CERKL: variants seen among roughly 807,000 people sequenced by gnomAD.
CERKL encodes the protein CERK like autophagy regulator.
CERKL carries 61 observed loss-of-function variants against 63.4 expected under a neutral mutation model. The ratio of observed to expected loss-of-function variants is 0.96; its 90% CI spans 0.78 to 1.19. The LOEUF is 1.19. Among genes scored for constraint, CERKL ranks in the 50% most tolerant of loss-of-function variants. The probability of loss-of-function intolerance (pLI) is 0.00; values close to 1 mark genes in which losing one functional copy is unlikely to be tolerated. For synonymous variants in CERKL, 250 were observed against 230.5 expected (o/e 1.08, Z -0.77); for missense variants, 675 against 655.5 (o/e 1.03, Z -0.33).
chr2:181,636,015 A>G (rs936725749), intron 1 of CERKL, among the ~76,000 whole-genome samples: 2 of 152,196 alleles, frequency 1.3e-5, no homozygotes, highest in Non-Finnish European at 2.9e-5. Context: ...ATACACAAGG[A>G]AAGAGCCTAG....
chr2:181,642,943 C>G (rs1687508614), intron 1 of CERKL, among the ~76,000 whole-genome samples: 1 of 152,140 alleles, frequency 6.6e-6, no homozygotes, highest in Non-Finnish European at 1.5e-5. Flanking sequence ...AATGACAATA[C>G]CTACACCAAA....
chr2:181,572,036 T>C (rs1006876847), intron 3 of CERKL, among the ~76,000 whole-genome samples: 1 of 152,108 alleles, frequency 6.6e-6, no homozygotes, highest in Admixed American at 6.6e-5. Flanking sequence ...CTGAGGAAAG[T>C]AGAGCAAAGT....
intron 1 of CERKL, among the ~76,000 whole-genome samples, chr2:181,623,380 T>A (rs899616470): frequency 6.6e-6 from 1 of 152,314 alleles, no homozygotes; most frequent in East Asian, 1.9e-4. Flanking sequence ...GGGTTTTATG[T>A]CAGCACATGA....
Position 181,548,679 on chromosome 2 carries a change from C to T in CERKL, c.1073+1G>A, listed in dbSNP as rs1283658402. On this transcript the variant is annotated splice_donor_variant, in intron 7 of 12. Coordinates refer to ENST00000410087, the MANE Select transcript of CERKL (RefSeq NM_201548.5). LOFTEE classifies it high-confidence loss of function. ...ATTTTTGGTTTAAGAAAAAGACTTA[C>T]TTAAGTTTTGCCAGTGCCTTAACAA... The T allele has an allele frequency of 6.2e-7, 1 of 1,613,904 alleles. No homozygotes were observed. The highest frequency in any genetic ancestry group is 2.2e-5 in the East Asian group (1 of 44,852).
intron 1 of CERKL, among the ~76,000 whole-genome samples, chr2:181,609,533 TAAAAAA>T (rs869037405): frequency 4.3e-5 from 3 of 70,232 alleles, no homozygotes; most frequent in Non-Finnish European, 5.6e-5. Context: ...CTGTCTCTAC[TAAAAAA>T]AAAAAAAAAA....
At chr2:181,540,318 C>T (rs995399124) in intron 11 of CERKL, among the ~76,000 whole-genome samples, 2 of 152,208 alleles carry the variant, frequency 1.3e-5, no homozygotes, top group Admixed American at 6.5e-5. Context: ...GAATTATCTA[C>T]ATAATCATTC....
chr2:181,592,367 A>G (rs1685023297), intron 2 of CERKL, among the ~76,000 whole-genome samples: 1 of 152,210 alleles, frequency 6.6e-6, no homozygotes. Flanking sequence ...AGCAAAGTTT[A>G]TTGTTTTAAC....
At chr2:181,598,148 G>C (rs537372135) in intron 2 of CERKL, among the ~76,000 whole-genome samples, 3 of 152,224 alleles carry the variant, frequency 2.0e-5, no homozygotes, top group Admixed American at 2.0e-4. Context: ...TGCTGAAAGT[G>C]AGAATGCCAC....
At chr2:181,547,013 T>A (rs1236025865) in intron 10 of CERKL, among the ~76,000 whole-genome samples, 1 of 152,048 alleles carries the variant, frequency 6.6e-6, no homozygotes, top group Non-Finnish European at 1.5e-5. Flanking sequence ...AATGAATAAG[T>A]CTCATGAGAT....
At chr2:181,568,197 G>A (rs1259064508) in intron 3 of CERKL, among the ~76,000 whole-genome samples, 1 of 152,132 alleles carries the variant, frequency 6.6e-6, no homozygotes, top group Non-Finnish European at 1.5e-5. Flanking sequence ...ATTTGATTTG[G>A]ACATAAGGAA....
chr2:181,578,258 G>C (rs1361859323), intron 2 of CERKL, among the ~76,000 whole-genome samples: 1 of 61,920 alleles, frequency 1.6e-5, no homozygotes, highest in Non-Finnish European at 3.2e-5. Flanking sequence ...ATATGTGTGT[G>C]GGGGGGTATG....
In CERKL at chr2:181,544,752, G is replaced by A; in HGVS notation, c.1313C>T (p.Ser438Phe). The change falls in exon 11 of 13, where the codon TCT becomes TTT. Residue 438 changes from serine to phenylalanine, a missense_variant. By Grantham distance (155) the Ser-to-Phe change is radical. Transcript: ENST00000410087. ...SMALIIARNTSRPEFIKHLKR... is the reference protein window; with the variant it reads ...SMALIIARNTFRPEFIKHLKR... ...CAGGTGTTTTATAAATTCTGGCCGA[G>A]AAGTGTTTCGGGCAATTATAAGAGC... The A allele has an allele frequency of 1.2e-6, 2 of 1,609,216 alleles. No homozygotes were observed. The highest frequency in any genetic ancestry group is 1.7e-4 in the Middle Eastern group (1 of 6,006).
chr2:181,621,278 T>A (rs1686436365), intron 1 of CERKL, among the ~76,000 whole-genome samples: 1 of 152,198 alleles, frequency 6.6e-6, no homozygotes, highest in African/African-American at 2.4e-5. Flanking sequence ...TAAGTCTTAA[T>A]AAAATTGTAA....
intron 3 of CERKL, among the ~76,000 whole-genome samples, chr2:181,570,389 C>G (rs553014768): frequency 6.6e-6 from 1 of 152,272 alleles, no homozygotes; most frequent in Non-Finnish European, 1.5e-5. Flanking sequence ...ATGAATTATC[C>G]TATGGATCTC....
At chr2:181,642,424 T>C (rs76600990) in intron 1 of CERKL, among the ~76,000 whole-genome samples, 2,407 of 152,338 alleles carry the variant, frequency 0.016, 68 homozygotes, top group African/African-American at 0.054. Context: ...TGTTTTGAAA[T>C]TGTTTTTTCT....
At chr2:181,548,063 T>A (rs538207292) in intron 8 of CERKL, 3 of 610,584 alleles carry the variant, frequency 4.9e-6, no homozygotes, top group South Asian at 4.1e-5. Flanking sequence ...TTATAAGGAA[T>A]AATAATGTAC....
At chr2:181,600,008 CAGA>C (rs779878717) in intron 2 of CERKL, among the ~76,000 whole-genome samples, 6 of 152,168 alleles carry the variant, frequency 3.9e-5, no homozygotes, top group Non-Finnish European at 5.9e-5. Context: ...GACTTCTCAG[CAGA>C]AACCTTACAA....
chr2:181,656,644 G>A lies in CERKL; in HGVS notation c.238+125C>T, dbSNP rs1688169919. 5 of 828,278 alleles carry A rather than the reference G, an allele frequency of 6.0e-6. No homozygotes were observed. In the East Asian group the frequency reaches 1.5e-4, roughly 25 times the overall value. The allele number at this position is 828,278 out of a possible 1,614,324, so 51.3% of individuals were successfully genotyped here. A position where few individuals can be genotyped will look rare whatever the true frequency, so the allele number is the denominator to read the frequency against. ...CTCGGTAACCTGTCCGGGCAGTGAG[G>A]CGAGCACGGGGAGGGGAGGCGAGAA... is the stretch of plus-strand genomic sequence containing the variant. On this transcript the variant is annotated intron_variant, in intron 1 of 12. Transcript: ENST00000410087.
intron 3 of CERKL, among the ~76,000 whole-genome samples, chr2:181,570,174 G>A (rs1688844106): frequency 6.6e-6 from 1 of 152,102 alleles, no homozygotes; most frequent in African/African-American, 2.4e-5. Context: ...CTGCCCAAAG[G>A]TACAGTAACT....
Sources: allele counts gnomAD v4.1 joint callset (sites outside exome capture counted in the v4.1 genomes callset), GRCh38; gene constraint gnomAD v4.1.1; transcripts MANE v1.5; gene names NCBI Gene and HGNC (gene_info 2026-07-23, HGNC 2026-07-21).